Variants in SLC30A7 observed in about 807,000 individuals in gnomAD.
SLC30A7 encodes zinc transporter 7.
In SLC30A7, 35 loss-of-function variants were observed where a neutral mutation model predicts 46.0. The observed-to-expected ratio is 0.76, with a 90% CI of 0.58 to 1.01. The LOEUF is 1.01. SLC30A7 is among the 50% of genes least tolerant of loss of function. The pLI, the probability that SLC30A7 is intolerant of heterozygous loss-of-function variation, is 0.00. For missense variants in SLC30A7, 464 were observed against 451.1 expected (o/e 1.03, Z -0.26); for synonymous variants, 147 against 157.8 (o/e 0.93, Z 0.51).
intron 8 of SLC30A7, among the ~76,000 whole-genome samples, chr1:100,954,515 C>G (rs554960609): frequency 1.3e-5 from 2 of 152,118 alleles, no homozygotes; most frequent in South Asian, 2.1e-4. Flanking sequence ...GTCCAAAGAC[C>G]AGATGCATTA....
At chr1:100,916,135 T>C (rs1652527774) in intron 6 of SLC30A7, among the ~76,000 whole-genome samples, 1 of 151,840 alleles carries the variant, frequency 6.6e-6, no homozygotes, top group Admixed American at 6.6e-5. Flanking sequence ...TTAATAAATT[T>C]TTTTATTTTT....
chr1:100,917,863 AAATACTCCATACTTTTGATGAATTTT>A (rs1652672385), intron 6 of SLC30A7, among the ~76,000 whole-genome samples, 188 bp from the exon 7 acceptor site: 1 of 152,180 alleles, frequency 6.6e-6, no homozygotes, highest in African/African-American at 2.4e-5. Flanking sequence ...ATAATTTCTG[AAATACTCCATACTTTTGATGAATTTT>A]AAAACTACTG....
chr1:100,925,846 T>C (rs919782221), intron 8 of SLC30A7, among the ~76,000 whole-genome samples: 9 of 152,188 alleles, frequency 5.9e-5, no homozygotes, highest in African/African-American at 2.2e-4. Flanking sequence ...AGCAATCAAC[T>C]GAACAGAAAG....
At chr1:100,963,569 C>T (rs879291082) in intron 9 of SLC30A7, among the ~76,000 whole-genome samples, 9 of 152,122 alleles carry the variant, frequency 5.9e-5, no homozygotes, top group Admixed American at 3.3e-4. Flanking sequence ...GAGTTGATAG[C>T]GGATATGGAT....
At chr1:100,913,306 C>T (rs1399310310) in intron 5 of SLC30A7, among the ~76,000 whole-genome samples, 1 of 152,176 alleles carries the variant, frequency 6.6e-6, no homozygotes, top group Non-Finnish European at 1.5e-5. Flanking sequence ...TTGTTGTTTA[C>T]TGCCTCATCT....
At chr1:100,913,906 C>G (rs1347609547) in intron 6 of SLC30A7, 100 bp downstream of exon 6, 6 of 1,476,990 alleles carry the variant, frequency 4.1e-6, no homozygotes, top group Non-Finnish European at 2.7e-6. Flanking sequence ...GATACCAAAT[C>G]AACTTCTTTT....
chr1:100,907,102 C>T (rs920514082), intron 3 of SLC30A7, 137 bp downstream of exon 3: 2 of 563,350 alleles, frequency 3.6e-6, no homozygotes, highest in South Asian at 2.3e-5. Context: ...ACTCAGGCCT[C>T]TTCGAGTTCC....
chr1:100,955,669 C>A (rs888248301), intron 8 of SLC30A7, among the ~76,000 whole-genome samples: 1 of 152,014 alleles, frequency 6.6e-6, no homozygotes, highest in African/African-American at 2.4e-5. Context: ...TAGATAGATC[C>A]AAGCTAAAAT....
At chr1:100,983,375 C>CAAAAAAAAAAA (rs779529890), downstream of SLC30A7, among the ~76,000 whole-genome samples, 18 of 76,408 alleles carry the variant, frequency 2.4e-4, no homozygotes, top group African/African-American at 2.9e-4. Flanking sequence ...TACTTTGAGG[C>CAAAAAAAAAAA]AAAAAAAAAA....
intron 2 of SLC30A7, among the ~76,000 whole-genome samples, chr1:100,901,416 A>G (rs1001979187): frequency 8.6e-5 from 13 of 152,044 alleles, no homozygotes; most frequent in Admixed American, 6.5e-4. Flanking sequence ...TTGCTTCTGT[A>G]TTTATGTATT....
intron 8 of SLC30A7, among the ~76,000 whole-genome samples, chr1:100,950,992 C>T (rs74919999): frequency 0.032 from 4,793 of 152,146 alleles, 118 homozygotes; most frequent in East Asian, 0.076. Flanking sequence ...CTGAGTAACT[C>T]GGGGAGCCAG....
the SLC30A7 span, among the ~76,000 whole-genome samples, chr1:100,993,379 C>T: frequency 2.6e-5 from 4 of 151,018 alleles, no homozygotes; most frequent in East Asian, 1.9e-4. Flanking sequence ...GGTGAAACTC[C>T]GTCTCTACTA....
chr1:100,955,106 T>A (rs1015273089), intron 8 of SLC30A7, among the ~76,000 whole-genome samples: 1 of 152,044 alleles, frequency 6.6e-6, no homozygotes, highest in Non-Finnish European at 1.5e-5. Context: ...TTAACTGAAA[T>A]TTTTTATTGT....
intron 8 of SLC30A7, among the ~76,000 whole-genome samples, chr1:100,938,120 A>G (rs1654083841): frequency 6.6e-6 from 1 of 152,158 alleles, no homozygotes; most frequent in Non-Finnish European, 1.5e-5. Flanking sequence ...TCAGTGCCAC[A>G]CTGTTTTTAT....
rs1652702668 is a variant in SLC30A7 at position 100,918,125 on chromosome 1, A to G, written c.704A>G (p.Gln235Arg). 1 of 1,611,148 alleles carries G rather than the reference A, an allele frequency of 6.2e-7. No individual in the cohort carries two copies. Among genetic ancestry groups the G allele is most frequent in the Non-Finnish European group, 8.5e-7 (1 of 1,177,962 alleles). The change falls in exon 7 of 11, where the codon CAA becomes CGA. Residue 235 changes from glutamine (Q) to arginine (R), a missense_variant and splice_region_variant. Coordinates refer to ENST00000357650, the MANE Select transcript of SLC30A7 (RefSeq NM_133496.5). ...ACAGGACCCAGCAGACAGATTTTAC[A>G]AGGTATGACAAGCAATTTTTATGTT... The part of the protein sequence containing the change: ...ETTGPSRQIL[Q>R]GVFLHILADT...
chr1:100,911,752 A>G (rs914229595), intron 4 of SLC30A7, among the ~76,000 whole-genome samples: 2 of 152,066 alleles, frequency 1.3e-5, no homozygotes, highest in South Asian at 4.1e-4. Flanking sequence ...GGGTTTCACC[A>G]TGTTGGTCAG....
the SLC30A7 span, chr1:100,989,546 T>C: frequency 6.6e-6 from 1 of 152,240 alleles, no homozygotes; most frequent in Non-Finnish European, 1.5e-5. Flanking sequence ...TATACACTAA[T>C]ACCAGCTGCT....
chr1:100,896,529 C>T, intron 1 of SLC30A7, 41 bp from the exon 2 acceptor site: 1 of 1,584,828 alleles, frequency 6.3e-7, no homozygotes, highest in Non-Finnish European at 8.7e-7. Flanking sequence ...CCCGGCACCT[C>T]CTTAACTCTC....
intron 8 of SLC30A7, among the ~76,000 whole-genome samples, chr1:100,957,253 A>C (rs1380478070): frequency 1.3e-5 from 2 of 152,250 alleles, no homozygotes; most frequent in Non-Finnish European, 2.9e-5. Context: ...CCAGATATAT[A>C]GTAGTAGATC....
Sources: gnomAD v4.1 joint callset for allele counts (sites outside exome capture counted in the v4.1 genomes callset) on GRCh38, gnomAD v4.1.1 for gene constraint, MANE v1.5 for transcripts, NCBI Gene and HGNC (gene_info 2026-07-23, HGNC 2026-07-21) for gene names.